The following VPS13B variants were observed in gnomAD, a reference collection of about 807,000 sequenced individuals.
VPS13B encodes intermembrane lipid transfer protein VPS13B.
In VPS13B, 285 loss-of-function variants were observed where a neutral mutation model predicts 426.4. The ratio of observed to expected loss-of-function variants is 0.67; its 90% CI spans 0.61 to 0.74. The LOEUF (loss-of-function observed/expected upper bound fraction) is 0.74, where lower values mean the gene tolerates loss of function less well. Ranked by LOEUF, VPS13B falls within the 30% of genes least tolerant of loss-of-function variation. The pLI is 0.00. For missense variants in VPS13B, 4,537 were observed against 4,782.6 expected, an observed-to-expected ratio of 0.95 and a Z score of 1.51; for synonymous variants, 1,676 against 1,676.4, an observed-to-expected ratio of 1.00 and a Z score of 0.01.
At chr8:99,815,980 C>T (rs1814009828) in intron 44 of VPS13B, among the ~76,000 whole-genome samples, 1 of 151,804 alleles carries the variant, frequency 6.6e-6, no homozygotes, top group Non-Finnish European at 1.5e-5. Flanking sequence ...TACAGGCATA[C>T]ACCACCATAC....
intron 3 of VPS13B, among the ~76,000 whole-genome samples, chr8:99,046,867 G>A (rs1391343245): frequency 6.6e-6 from 1 of 152,022 alleles, no homozygotes; most frequent in African/African-American, 2.4e-5. Context: ...CTGCATCTCT[G>A]GTATGAAACC....
At chr8:99,114,240 C>G (rs1213152746) in intron 6 of VPS13B, among the ~76,000 whole-genome samples, 1 of 151,386 alleles carries the variant, frequency 6.6e-6, no homozygotes, top group African/African-American at 2.4e-5. Context: ...AGGGGAGTGC[C>G]TATGTCATAC....
At chr8:99,468,829 T>C (rs1819248645) in intron 24 of VPS13B, among the ~76,000 whole-genome samples, 1 of 152,224 alleles carries the variant, frequency 6.6e-6, no homozygotes, top group South Asian at 2.1e-4. Flanking sequence ...ACTGTATTTT[T>C]GTTTGTGTGC....
chr8:99,575,523 T>C, intron 31 of VPS13B, 135 bp from the exon 32 acceptor site: 1 of 1,032,158 alleles, frequency 9.7e-7, no homozygotes, highest in Non-Finnish European at 1.4e-6. Flanking sequence ...GACTGTAAAA[T>C]ATGCAAATAG....
chr8:99,351,444 G>T (rs1811886938), intron 19 of VPS13B, among the ~76,000 whole-genome samples: 3 of 151,714 alleles, frequency 2.0e-5, no homozygotes, highest in Admixed American at 2.0e-4. Flanking sequence ...GAGTGTGTGT[G>T]TGTGTGTGTG....
intron 7 of VPS13B, among the ~76,000 whole-genome samples, chr8:99,118,740 A>G (rs2132507847): frequency 6.6e-6 from 1 of 152,328 alleles, no homozygotes; most frequent in East Asian, 1.9e-4. Flanking sequence ...TCATTGCTAC[A>G]TACACTGTAT....
chr8:99,156,809 T>A, intron 15 of VPS13B, 66 bp downstream of exon 15: 1 of 1,514,462 alleles, frequency 6.6e-7, no homozygotes. Flanking sequence ...GATAAGTTTC[T>A]TTTTTCTTGA....
intron 30 of VPS13B, among the ~76,000 whole-genome samples, chr8:99,528,090 A>T (rs1310349044): frequency 6.6e-6 from 1 of 152,088 alleles, no homozygotes; most frequent in African/African-American, 2.4e-5. Context: ...CAGAACCTTG[A>T]GCCATGTTAT....
chr8:99,823,114 C>T (rs139275051), intron 50 of VPS13B, among the ~76,000 whole-genome samples: 62 of 152,192 alleles, frequency 4.1e-4, no homozygotes, highest in African/African-American at 1.4e-3. Flanking sequence ...TGAAATGATA[C>T]ATGTAGTGGT....
At chr8:99,226,605 A>G (rs992658515) in intron 17 of VPS13B, among the ~76,000 whole-genome samples, 4 of 152,194 alleles carry the variant, frequency 2.6e-5, no homozygotes, top group Admixed American at 2.6e-4. Context: ...GTCAAAATTA[A>G]GGACACTTCT....
At chr8:99,357,976 G>T (rs1357894168) in intron 19 of VPS13B, among the ~76,000 whole-genome samples, 1 of 150,356 alleles carries the variant, frequency 6.7e-6, no homozygotes, top group African/African-American at 2.5e-5. Context: ...GGTAAAATGG[G>T]GATGGTTTAT....
intron 33 of VPS13B, among the ~76,000 whole-genome samples, chr8:99,641,047 T>C (rs1372100429): frequency 6.6e-6 from 1 of 152,186 alleles, no homozygotes; most frequent in Non-Finnish European, 1.5e-5. Flanking sequence ...TGGAGCCAAA[T>C]GATTATAACT....
In VPS13B at chr8:99,158,550, G is replaced by A. The variant is rs1811484493; in HGVS notation, c.2208+1807G>A. On this transcript the variant is annotated intron_variant, in intron 15 of 61. Transcript: ENST00000357162. The stretch of plus-strand genomic sequence containing the variant: ...GCTGACTCTCTTGTTAGGGGCTAAT[G>A]TACCTGGTGACTTCTTAAGTTGAAG... Among the ~76,000 whole-genome samples the A allele has an allele frequency of 2.0e-5, 3 of 152,086 alleles. No homozygotes were observed. In the South Asian group the frequency reaches 6.2e-4, roughly 32 times the overall value.
At chr8:99,425,887 A>G (rs2133392350) in intron 21 of VPS13B, among the ~76,000 whole-genome samples, 1 of 152,256 alleles carries the variant, frequency 6.6e-6, no homozygotes, top group South Asian at 2.1e-4. Context: ...CAAAAATCAC[A>G]AGCATTCTGT....
chr8:99,439,568 A>G (rs890690363), intron 22 of VPS13B, among the ~76,000 whole-genome samples: 1 of 152,120 alleles, frequency 6.6e-6, no homozygotes, highest in African/African-American at 2.4e-5. Context: ...ATACACTTAT[A>G]TAGAGAACAT....
chr8:99,043,447 C>T (rs1163587739), intron 3 of VPS13B, among the ~76,000 whole-genome samples: 4 of 152,082 alleles, frequency 2.6e-5, no homozygotes, highest in African/African-American at 9.7e-5. Flanking sequence ...TGGCTGAAGT[C>T]TGTGTTTATC....
intron 54 of VPS13B, among the ~76,000 whole-genome samples, chr8:99,841,991 G>A (rs1172685026): frequency 6.6e-6 from 1 of 152,002 alleles, no homozygotes; most frequent in Non-Finnish European, 1.5e-5. Context: ...GACCAATCAG[G>A]CCCCGTCTCA....
chr8:99,549,080 G>A (rs1588485374), intron 30 of VPS13B, among the ~76,000 whole-genome samples: 1 of 152,046 alleles, frequency 6.6e-6, no homozygotes, highest in East Asian at 1.9e-4. Context: ...TGATAGCTCA[G>A]GAGACTAAGA....
chr8:99,451,519 G>A (rs531749477), intron 23 of VPS13B, among the ~76,000 whole-genome samples: 1 of 152,240 alleles, frequency 6.6e-6, no homozygotes, highest in Non-Finnish European at 1.5e-5. Flanking sequence ...TTTTCCTAGG[G>A]TAACTAAAGA....
Sources: allele counts gnomAD v4.1 joint callset (sites outside exome capture counted in the v4.1 genomes callset), GRCh38; gene constraint gnomAD v4.1.1; transcripts MANE v1.5; gene names NCBI Gene and HGNC (gene_info 2026-07-23, HGNC 2026-07-21).